Variants in ETV6 observed in about 807,000 individuals in gnomAD.
ETV6 encodes the protein ETS variant transcription factor 6.
Under a neutral mutation model 51.1 loss-of-function variants are expected in ETV6, and 16 were observed. That is an observed-to-expected ratio of 0.31 (90% CI 0.21 to 0.48). The LOEUF (loss-of-function observed/expected upper bound fraction) is 0.48. ETV6 is among the 20% of genes least tolerant of loss of function. The probability of loss-of-function intolerance (pLI) is 0.99; values close to 1 mark genes in which losing one functional copy is unlikely to be tolerated. For missense variants in ETV6, 458 were observed against 594.8 expected, an observed-to-expected ratio of 0.77 and a Z score of 2.39; for synonymous variants, 240 against 224.1, an observed-to-expected ratio of 1.07 and a Z score of -0.64.
chr12:11,772,327 T>G (rs1439457516), intron 2 of ETV6, among the ~76,000 whole-genome samples: 3 of 152,200 alleles, frequency 2.0e-5, no homozygotes, highest in African/African-American at 7.2e-5. Flanking sequence ...AGAAGAACAG[T>G]GATATAGTTC....
intron 2 of ETV6, among the ~76,000 whole-genome samples, chr12:11,830,506 G>A (rs961232554): frequency 6.6e-6 from 1 of 152,266 alleles, no homozygotes; most frequent in Non-Finnish European, 1.5e-5. Flanking sequence ...TGACATGGAT[G>A]CGGAAGCATC....
intron 3 of ETV6, among the ~76,000 whole-genome samples, chr12:11,851,708 A>G (rs1265211014): frequency 1.3e-5 from 2 of 152,210 alleles, no homozygotes; most frequent in African/African-American, 2.4e-5. Flanking sequence ...TTTAGTCATG[A>G]TACTAAGTAG....
intron 2 of ETV6, among the ~76,000 whole-genome samples, chr12:11,828,418 T>A (rs2136448360): frequency 6.6e-6 from 1 of 152,318 alleles, no homozygotes; most frequent in Non-Finnish European, 1.5e-5. Context: ...CACTTCTAAG[T>A]GAGAAGAGGG....
At chr12:11,802,760 C>T (rs1015727440) in intron 2 of ETV6, among the ~76,000 whole-genome samples, 2 of 152,184 alleles carry the variant, frequency 1.3e-5, no homozygotes, top group African/African-American at 4.8e-5. Context: ...ACTCCTAAAT[C>T]ATGCCTTGGA....
chr12:11,670,357 G>A (rs1864290605), intron 1 of ETV6, among the ~76,000 whole-genome samples: 2 of 152,106 alleles, frequency 1.3e-5, no homozygotes, highest in Non-Finnish European at 1.5e-5. Flanking sequence ...GTCTTACTTC[G>A]TTTGGGTAAG....
At chr12:11,848,388 A>G (rs1946495924) in intron 3 of ETV6, among the ~76,000 whole-genome samples, 1 of 152,218 alleles carries the variant, frequency 6.6e-6, no homozygotes, top group South Asian at 2.1e-4. Flanking sequence ...AAATTAAGTA[A>G]CTTAAATAAA....
chr12:11,832,620 G>A (rs972260687), intron 2 of ETV6, among the ~76,000 whole-genome samples: 3 of 152,212 alleles, frequency 2.0e-5, no homozygotes, highest in African/African-American at 7.2e-5. Flanking sequence ...GTTACGAGTG[G>A]AAGACATTAT....
Position 11,893,168 on chromosome 12 carries a change from G to A in ETV6, c.*2122G>A, listed in dbSNP as rs1419445165. The A allele has an allele frequency of 1.3e-5, 3 of 232,606 alleles. No individual in the cohort carries two copies. The highest frequency in any genetic ancestry group is 6.6e-5 in the African/African-American group (3 of 45,292). The allele number at this position is 232,606 out of a possible 1,614,324, so 14.4% of individuals were successfully genotyped here. A position where few individuals can be genotyped will look rare whatever the true frequency, so the allele number is the denominator to read the frequency against. Reference sequence around the variant, plus strand: ...AGATGACTGGTATTCTATCTGAAATGCAGAGATTAAGCCAAATACCTGATG... The same window carrying A: ...AGATGACTGGTATTCTATCTGAAATACAGAGATTAAGCCAAATACCTGATG... On this transcript the variant is annotated 3_prime_UTR_variant, in exon 8 of 8. Coordinates refer to ENST00000396373, the MANE Select transcript of ETV6 (RefSeq NM_001987.5).
chr12:11,652,138 A>G (rs79943755), intron 1 of ETV6, among the ~76,000 whole-genome samples: 2,847 of 152,266 alleles, frequency 0.019, 71 homozygotes, highest in African/African-American at 0.064. Flanking sequence ...ATTACTGTGT[A>G]CTTCTATGTA....
chr12:11,665,911 C>CT (rs1864185652), intron 1 of ETV6, among the ~76,000 whole-genome samples: 1 of 152,226 alleles, frequency 6.6e-6, no homozygotes, highest in Non-Finnish European at 1.5e-5. Context: ...GGAGAAGAAG[C>CT]TTGAGAACCT....
intron 5 of ETV6, among the ~76,000 whole-genome samples, chr12:11,875,438 C>G (rs1946968236): frequency 6.6e-6 from 1 of 152,212 alleles, no homozygotes; most frequent in Non-Finnish European, 1.5e-5. Context: ...AGGAGCCTAG[C>G]AGAAAGCATC....
intron 2 of ETV6, among the ~76,000 whole-genome samples, chr12:11,806,003 C>G (rs755725495): frequency 2.0e-5 from 3 of 152,190 alleles, no homozygotes; most frequent in Non-Finnish European, 4.4e-5. Context: ...GACTGTATAC[C>G]TTGTCAGGTA....
rs190085180 is a variant in ETV6, at chr12:11,729,421, G to C, written c.34-23029G>C. On this transcript the variant is annotated intron_variant, in intron 1 of 7. Transcript: ENST00000396373. The stretch of plus-strand genomic sequence containing the variant: ...GCCAGGCAGCCATGTGGGATCAGGT[G>C]GGGGGGACTGGGCTGCTGTGTGGTA... Among the ~76,000 whole-genome samples the C allele has an allele frequency of 4.8e-4, 73 of 152,138 alleles. 1 individual carries two copies. The highest frequency in any genetic ancestry group is 1.3e-3 in the African/African-American group (54 of 41,488).
intron 3 of ETV6, among the ~76,000 whole-genome samples, chr12:11,851,788 A>C (rs555734939): frequency 2.6e-5 from 4 of 152,356 alleles, no homozygotes; most frequent in African/African-American, 7.2e-5. Context: ...AGGCAAAAAC[A>C]CAAGGTTCCC....
chr12:11,829,520 A>T (rs1482392447), intron 2 of ETV6, among the ~76,000 whole-genome samples: 1 of 152,172 alleles, frequency 6.6e-6, no homozygotes, highest in East Asian at 1.9e-4. Flanking sequence ...CTCTCACCAC[A>T]TTGGGCTTGC....
At chr12:11,778,257 A>G (rs1286565744) in intron 2 of ETV6, among the ~76,000 whole-genome samples, 1 of 152,232 alleles carries the variant, frequency 6.6e-6, no homozygotes, top group Non-Finnish European at 1.5e-5. Flanking sequence ...GGCACGTGGC[A>G]GGTCCTCCGT....
chr12:11,885,679 T>C (rs1240143774), intron 6 of ETV6, among the ~76,000 whole-genome samples: 1 of 152,178 alleles, frequency 6.6e-6, no homozygotes, highest in Non-Finnish European at 1.5e-5. Context: ...TAGCTAGGGC[T>C]CCAGGACTTC....
chr12:11,869,291 C>T lies in ETV6; in HGVS notation c.464-133C>T, dbSNP rs767106362. The T allele has an allele frequency of 1.4e-5, 10 of 738,546 alleles. No homozygotes were observed. The highest frequency in any genetic ancestry group is 2.2e-5 in the Non-Finnish European group (10 of 451,972). The allele number at this position is 738,546 out of a possible 1,614,324, so 45.7% of individuals were successfully genotyped here. On this transcript the variant is annotated intron_variant, in intron 4 of 7. Transcript: ENST00000396373. This position sits in a 1 kb window ranked among gnomAD's most constrained non-coding sequence, Gnocchi z 5.0. ...TCAAATTGTTAAGCAGTGAAAAAGA[C>T]ACTGCATTCTGGGGAGAAAGGTCCT...
intron 2 of ETV6, among the ~76,000 whole-genome samples, chr12:11,835,755 T>A (rs1423345263): frequency 1.3e-5 from 2 of 152,240 alleles, no homozygotes; most frequent in Non-Finnish European, 2.9e-5. Context: ...CACTCAGTCT[T>A]TTTTGAATCC....
Sources: allele counts gnomAD v4.1 joint callset (sites outside exome capture counted in the v4.1 genomes callset), GRCh38; gene constraint gnomAD v4.1.1; non-coding constraint Gnocchi (gnomAD v3.1); transcripts MANE v1.5; gene names NCBI Gene and HGNC (gene_info 2026-07-23, HGNC 2026-07-21).